Variants in SBF1 observed in about 807,000 individuals in gnomAD.
SBF1 encodes the protein SET binding factor 1, also known as myotubularin-related protein 5.
In SBF1, 65 loss-of-function variants were observed where a neutral mutation model predicts 215.8. The observed-to-expected ratio is 0.30, with a 90% CI of 0.25 to 0.37. The LOEUF (loss-of-function observed/expected upper bound fraction) is 0.37, where lower values mean the gene tolerates loss of function less well. Ranked by LOEUF, SBF1 falls within the 10% of genes least tolerant of loss-of-function variation. The pLI, the probability that SBF1 is intolerant of heterozygous loss-of-function variation, is 1.00. For synonymous variants in SBF1, 1,410 were observed against 1,122.8 expected, an observed-to-expected ratio of 1.26 and a Z score of -5.11; for missense variants, 2,634 against 2,667.8, an observed-to-expected ratio of 0.99 and a Z score of 0.28.
At position 50,461,889 on chromosome 22, in the gene SBF1, A is replaced by T. The variant is rs1439707079; in HGVS notation, c.2570-20T>A. ...CAATGTCTGGGGGAAGACAGTTCTCACACTTTGTGCCCAGCCCCACCCATC... is the reference window on the plus strand; with the variant it reads ...CAATGTCTGGGGGAAGACAGTTCTCTCACTTTGTGCCCAGCCCCACCCATC... On this transcript the variant is annotated intron_variant, in intron 20 of 40. Coordinates refer to ENST00000380817, the MANE Select transcript of SBF1 (RefSeq NM_002972.4). 6 of 1,613,836 alleles carry T rather than the reference A, an allele frequency of 3.7e-6. No homozygotes were observed. Among genetic ancestry groups the T allele is most frequent in the Non-Finnish European group, 5.1e-6 (6 of 1,179,848 alleles).
chr22:50,460,281 C>G lies in SBF1; in HGVS notation c.3274G>C (p.Glu1092Gln). ...GQPPPEDQED[E>Q]ISVSEELEPS... Reference sequence around the variant, plus strand: ...ACCCCCACCCCTCCACCTGAGATCTCGTCCTCCTGGTCCTCAGGGGGCGGC... The same window carrying G: ...ACCCCCACCCCTCCACCTGAGATCTGGTCCTCCTGGTCCTCAGGGGGCGGC... The change falls in exon 25 of 41, where the codon GAG becomes CAG. Residue 1092 changes from glutamate (E) to glutamine (Q), a missense_variant. By Grantham distance (29) the Glu-to-Gln change is conservative. Coordinates refer to ENST00000380817, the MANE Select transcript of SBF1 (RefSeq NM_002972.4). 6.2e-7 allele frequency: 1 copy of G among 1,605,896 alleles called. No individual in the cohort carries two copies.
At chr22:50,466,124 A>T in intron 8 of SBF1, 26 bp downstream of exon 8, 1 of 1,612,996 alleles carries the variant, frequency 6.2e-7, no homozygotes, top group Non-Finnish European at 8.5e-7. Flanking sequence ...CTGGGCCGTG[A>T]GGTGGACACA....
chr22:50,453,200 AC>A (rs2067116046), intron 36 of SBF1, among the ~76,000 whole-genome samples: 1 of 152,230 alleles, frequency 6.6e-6, no homozygotes, highest in Admixed American at 6.5e-5. Flanking sequence ...AGTAAAAAAT[AC>A]AAGAAAACAA....
chr22:50,449,594 G>A (rs1434478410), intron 36 of SBF1, among the ~76,000 whole-genome samples: 5 of 150,264 alleles, frequency 3.3e-5, no homozygotes, highest in Admixed American at 6.7e-5. Context: ...CAGCCTGGGC[G>A]GCAAAGTGAG....
chr22:50,460,983 G>A (rs531609191), intron 23 of SBF1, among the ~76,000 whole-genome samples, 176 bp downstream of exon 23: 7 of 152,206 alleles, frequency 4.6e-5, no homozygotes, highest in Non-Finnish European at 7.3e-5. Context: ...CCCAAAGACC[G>A]CACATCAAAC....
chr22:50,460,793 TC>T, intron 23 of SBF1, 81 bp from the exon 24 acceptor site: 2 of 1,437,192 alleles, frequency 1.4e-6, no homozygotes, highest in Non-Finnish European at 1.9e-6. Flanking sequence ...AGGCTCCCCT[TC>T]CCCTCGCAGC....
At chr22:50,452,438 G>T (rs1457329684) in intron 36 of SBF1, among the ~76,000 whole-genome samples, 1 of 151,948 alleles carries the variant, frequency 6.6e-6, no homozygotes, top group East Asian at 1.9e-4. Context: ...CAAAAACAGG[G>T]CCGGGCACGG....
chr22:50,462,453 G>C lies in SBF1; in HGVS notation c.2148C>G (p.Ser716=). The part of the protein sequence containing the change: ...APAQEVGEAP[S]QEDERSALDV... ...CTAGGGCAGAGCGCTCGTCCTCCTG[G>C]GAAGGTGCCTCCCCAACCTCCTGCC... is the stretch of plus-strand genomic sequence containing the variant. Residue 716 remains serine, a synonymous_variant, in exon 19 of 41, where the codon TCC becomes TCG. Coordinates refer to ENST00000380817, the MANE Select transcript of SBF1 (RefSeq NM_002972.4). 3.1e-6 allele frequency: 5 copies of C among 1,613,746 alleles called. No homozygotes were observed. The highest frequency in any genetic ancestry group is 4.2e-6 in the Non-Finnish European group (5 of 1,179,932).
intron 1 of SBF1, among the ~76,000 whole-genome samples, chr22:50,469,262 G>A (rs2067908364): frequency 6.6e-6 from 1 of 152,224 alleles, no homozygotes; most frequent in African/African-American, 2.4e-5. Context: ...CTGTACAAAG[G>A]CCATAGGATG....
chr22:50,459,207 GC>G, intron 28 of SBF1, 47 bp downstream of exon 28: 1 of 1,563,868 alleles, frequency 6.4e-7, no homozygotes, highest in Non-Finnish European at 8.7e-7. Context: ...TGCCACCACG[GC>G]CCCCCAAAGT....
chr22:50,456,495 G>A lies in SBF1; in HGVS notation c.4083C>T (p.Leu1361=), dbSNP rs2067256152. The A allele has an allele frequency of 7.2e-7, 1 of 1,394,090 alleles. No homozygotes were observed. Among genetic ancestry groups the A allele is most frequent in the Non-Finnish European group, 9.6e-7 (1 of 1,043,836 alleles). The allele number at this position is 1,394,090 out of a possible 1,614,324, so 86.4% of individuals were successfully genotyped here. A position where few individuals can be genotyped will look rare whatever the true frequency, so the allele number is the denominator to read the frequency against. The change falls in exon 30 of 41, where the codon CTC becomes CTT. Residue 1361 remains leucine (L), a synonymous_variant. Coordinates refer to ENST00000380817, the MANE Select transcript of SBF1 (RefSeq NM_002972.4). ...CCACCCCCCGCACCCCAGTCACCTT[G>A]AGCTGGGCTTTGTCCCCAAGGATAT... ...ALYILGDKAQ[L]KGVRSDPLQQ... is the part of the protein sequence containing the mutation.
chr22:50,450,435 T>G (rs923125196), intron 36 of SBF1, among the ~76,000 whole-genome samples: 1 of 150,244 alleles, frequency 6.7e-6, no homozygotes, highest in Non-Finnish European at 1.5e-5. Context: ...GCAGGAGAAT[T>G]GCTTGAACAT....
At chr22:50,458,304 CAAAAA>C (rs35742256) in intron 28 of SBF1, among the ~76,000 whole-genome samples, 7 of 82,644 alleles carry the variant, frequency 8.5e-5, no homozygotes, top group Admixed American at 5.5e-4. Flanking sequence ...GACTCCGACT[CAAAAA>C]AAAAAAAAAA....
At chr22:50,470,075 C>T (rs988391534) in intron 1 of SBF1, among the ~76,000 whole-genome samples, 2 of 151,926 alleles carry the variant, frequency 1.3e-5, no homozygotes, top group Admixed American at 1.3e-4. Context: ...ACACCTACCT[C>T]CACACCCCCA....
Position 50,465,121 on chromosome 22 carries a change from G to A in SBF1, c.1212C>T (p.Phe404=), listed in dbSNP as rs754999203. Residue 404 remains phenylalanine, a synonymous_variant, in exon 12 of 41, where the codon TTC becomes TTT. Transcript: ENST00000380817. ...CCTCTACCAGCCCACGCTGGCCCAG[G>A]AAGGCTGCCTGGATGACAGAAGGAG... ...EPVIRFHKAA[F]LGQRGLVEDD... is the part of the protein sequence containing the mutation. 14 of 1,613,960 alleles carry A rather than the reference G, an allele frequency of 8.7e-6. No individual in the cohort carries two copies. The highest frequency in any genetic ancestry group is 6.7e-5 in the African/African-American group (5 of 74,920).
rs202023370 is a variant in SBF1 at position 50,465,145 on chromosome 22, A to T, written c.1204-16T>A. 100 of 1,613,846 alleles carry T rather than the reference A, an allele frequency of 6.2e-5. No individual in the cohort carries two copies. The highest frequency in any genetic ancestry group is 6.9e-5 in the Non-Finnish European group (81 of 1,179,990). Reference sequence around the variant, plus strand: ...GGAAGGCTGCCTGGATGACAGAAGGAGGTCGGTCCCTCAGGGGTCTCCACC... The same window carrying T: ...GGAAGGCTGCCTGGATGACAGAAGGTGGTCGGTCCCTCAGGGGTCTCCACC... On this transcript the variant is annotated splice_polypyrimidine_tract_variant and intron_variant, in intron 11 of 40. Coordinates refer to ENST00000380817, the MANE Select transcript of SBF1 (RefSeq NM_002972.4).
chr22:50,458,614 A>G (rs2067361707), intron 28 of SBF1, among the ~76,000 whole-genome samples: 1 of 152,254 alleles, frequency 6.6e-6, no homozygotes. Flanking sequence ...TCTGAACTAG[A>G]GAACAGGTGG....
At position 50,447,450 on chromosome 22, in the gene SBF1, G is replaced by A. The variant is rs749374352; in HGVS notation, c.5455C>T (p.Arg1819Cys). 15 of 1,609,032 alleles carry A rather than the reference G, an allele frequency of 9.3e-6. No homozygotes were observed. The highest frequency in any genetic ancestry group is 2.3e-5 in the East Asian group (1 of 44,238). ...FVLDKTKHQL[R>C]YYDHRVDTEC... Reference sequence around the variant, plus strand: ...GTGTCCACACGGTGGTCGTAGTAGCGCAGCTGGAGGAGGCCACAGAGTCAG... The same window carrying A: ...GTGTCCACACGGTGGTCGTAGTAGCACAGCTGGAGGAGGCCACAGAGTCAG... Residue 1819 changes from arginine to cysteine, a missense_variant, in exon 40 of 41, where the codon CGC (arginine) becomes TGC (cysteine). Physicochemically the swap from Arg to Cys is radical, Grantham distance 180. Transcript: ENST00000380817.
In SBF1 at chr22:50,445,359, A is replaced by C. The variant is rs939644529; in HGVS notation, c.*1783T>G. 1 of 152,242 alleles carries C rather than the reference A, an allele frequency of 6.6e-6. No homozygotes were observed. The highest frequency in any genetic ancestry group is 2.4e-5 in the African/African-American group (1 of 41,424). The allele number at this position is 152,242 out of a possible 1,614,324, so 9.4% of individuals were successfully genotyped here. A position where few individuals can be genotyped will look rare whatever the true frequency, so the allele number is the denominator to read the frequency against. ...TTTTGTGCCAGCTCCCCCTCCCAGA[A>C]GCCTGGGCCCCACCTTGTCCTCAGT... On this transcript the variant is annotated 3_prime_UTR_variant, in exon 41 of 41. Coordinates refer to ENST00000380817, the MANE Select transcript of SBF1 (RefSeq NM_002972.4).
Sources: gnomAD v4.1 joint callset for allele counts (sites outside exome capture counted in the v4.1 genomes callset) on GRCh38, gnomAD v4.1.1 for gene constraint, MANE v1.5 for transcripts, NCBI Gene and HGNC (gene_info 2026-07-23, HGNC 2026-07-21) for gene names.